Variants in CRACDL observed in about 807,000 individuals in gnomAD.
CRACDL encodes the protein CRACD-like protein.
CRACDL carries 26 observed loss-of-function variants against 70.6 expected under a neutral mutation model. The observed-to-expected ratio is 0.37, with a 90% CI of 0.27 to 0.51. The LOEUF is 0.51. Among genes scored for constraint, CRACDL ranks in the 20% least tolerant of loss-of-function variants. The pLI is 0.94. For synonymous variants in CRACDL, 618 were observed against 615.2 expected (o/e 1.00, Z -0.07); for missense variants, 1,283 against 1,376.9 (o/e 0.93, Z 1.08).
At chr2:98,923,835 C>T (rs1462803300) in intron 1 of CRACDL, among the ~76,000 whole-genome samples, 1 of 152,184 alleles carries the variant, frequency 6.6e-6, no homozygotes, top group Non-Finnish European at 1.5e-5. Context: ...GAACTTCATA[C>T]TCAGAAAAAC....
At chr2:98,900,764 C>T (rs191591927) in intron 1 of CRACDL, among the ~76,000 whole-genome samples, 6 of 152,260 alleles carry the variant, frequency 3.9e-5, no homozygotes, top group African/African-American at 1.4e-4. Context: ...TCCATCCTGA[C>T]TTGGCACCCT....
intron 7 of CRACDL, among the ~76,000 whole-genome samples, chr2:98,800,291 G>A (rs966752827): frequency 6.6e-6 from 1 of 152,320 alleles, no homozygotes; most frequent in Non-Finnish European, 1.5e-5. Flanking sequence ...TGGGAGTAGG[G>A]GTGCCTTCTG....
rs545671481 is a variant in CRACDL, at chr2:98,877,543, T to G, written c.-10-30733A>C. Among the ~76,000 whole-genome samples the G allele has an allele frequency of 1.1e-4, 17 of 152,216 alleles. No homozygotes were observed. The East Asian group carries it at 2.9e-3, about 26-fold the overall frequency. On this transcript the variant is annotated intron_variant, in intron 1 of 9. Coordinates refer to ENST00000397899, the MANE Select transcript of CRACDL (RefSeq NM_207362.3). ...GGCGGATTACCTGAGGTCAGGAGTTTGAGACCAGCCTGACCAATATGGTGA... is the reference window on the plus strand; with the variant it reads ...GGCGGATTACCTGAGGTCAGGAGTTGGAGACCAGCCTGACCAATATGGTGA...
chr2:98,847,237 A>G (rs1706300168), intron 1 of CRACDL, among the ~76,000 whole-genome samples: 12 of 152,204 alleles, frequency 7.9e-5, no homozygotes, highest in Admixed American at 7.9e-4. Flanking sequence ...ATAATTTTTT[A>G]CGCAAATATT....
At chr2:98,866,472 C>CTTTTTTTTTTTTTTTTTTTT (rs869154325) in intron 1 of CRACDL, among the ~76,000 whole-genome samples, 2 of 107,812 alleles carry the variant, frequency 1.9e-5, no homozygotes, top group African/African-American at 3.5e-5. Flanking sequence ...ACAATCACTT[C>CTTTTTTTTTTTTTTTTTTTT]TTCTTTTTTT....
chr2:98,883,295 A>C (rs960713470), intron 1 of CRACDL, among the ~76,000 whole-genome samples: 1 of 152,346 alleles, frequency 6.6e-6, no homozygotes, highest in African/African-American at 2.4e-5. Flanking sequence ...TGACTGGCAC[A>C]GAGCTGGGAG....
At chr2:98,878,108 A>G (rs1707536662) in intron 1 of CRACDL, among the ~76,000 whole-genome samples, 1 of 151,980 alleles carries the variant, frequency 6.6e-6, no homozygotes, top group African/African-American at 2.4e-5. Flanking sequence ...CACCATACCC[A>G]GCTAATATTT....
intron 1 of CRACDL, among the ~76,000 whole-genome samples, chr2:98,923,270 CAAA>C (rs1188228876): frequency 1.3e-4 from 10 of 75,506 alleles, no homozygotes; most frequent in Non-Finnish European, 8.6e-5. Flanking sequence ...GACACTGTCT[CAAA>C]AAAAAAAAAA....
chr2:98,813,132 T>C (rs1056971788), intron 7 of CRACDL, among the ~76,000 whole-genome samples: 8 of 152,148 alleles, frequency 5.3e-5, no homozygotes, highest in Non-Finnish European at 1.2e-4. Flanking sequence ...AATATTTTGT[T>C]AAGAATTTTG....
At chr2:98,849,918 T>C (rs1002369394) in intron 1 of CRACDL, among the ~76,000 whole-genome samples, 3 of 152,164 alleles carry the variant, frequency 2.0e-5, no homozygotes, top group East Asian at 1.9e-4. Context: ...AGTATCCTCA[T>C]AGGCAAAAGG....
intron 1 of CRACDL, among the ~76,000 whole-genome samples, chr2:98,861,087 C>T (rs1311218670): frequency 6.6e-6 from 1 of 152,200 alleles, no homozygotes; most frequent in African/African-American, 2.4e-5. Flanking sequence ...TGGCTCATGC[C>T]TGTAATCCCA....
In CRACDL at chr2:98,823,756, A is replaced by G. The variant is rs1338861219; in HGVS notation, c.736-219T>C. 6.6e-6 allele frequency among the ~76,000 whole-genome samples: 1 copy of G among 152,202 alleles called. No individual in the cohort carries two copies. Among genetic ancestry groups the G allele is most frequent in the Non-Finnish European group, 1.5e-5 (1 of 68,038 alleles). ...CAGGACAATGGCAGATATGCCTCCA[A>G]AGTAAATGTCTACAGCTCCTCTGGC... On this transcript the variant is annotated intron_variant, in intron 6 of 9. Transcript: ENST00000397899. The surrounding 1 kb of genome is among the most constrained non-coding windows in gnomAD (Gnocchi z 4.0).
chr2:98,838,881 G>A (rs945931407), intron 2 of CRACDL, among the ~76,000 whole-genome samples: 1 of 152,164 alleles, frequency 6.6e-6, no homozygotes, highest in Admixed American at 6.5e-5. Context: ...ACTCTGCCAT[G>A]CTTCCTGGAT....
intron 1 of CRACDL, among the ~76,000 whole-genome samples, chr2:98,879,911 TG>T (rs1484015745): frequency 6.6e-6 from 1 of 152,206 alleles, no homozygotes; most frequent in African/African-American, 2.4e-5. Context: ...AATATTTCCA[TG>T]GGGGTGGACA....
chr2:98,797,244 C>T, intron 8 of CRACDL, 106 bp downstream of exon 8: 2 of 1,036,732 alleles, frequency 1.9e-6, no homozygotes, highest in Non-Finnish European at 2.9e-6. Flanking sequence ...GGTGACGGTC[C>T]CTGTGACGCC....
At position 98,794,449 on chromosome 2, in the gene CRACDL, G is replaced by T; in HGVS notation, c.*83C>A. ...ATAAAATCAATCTTTAAGTTTCACA[G>T]TTTGTTTGCCACAATACACTGGCAG... On this transcript the variant is annotated 3_prime_UTR_variant, in exon 10 of 10. Coordinates refer to ENST00000397899, the MANE Select transcript of CRACDL (RefSeq NM_207362.3). 8.2e-7 allele frequency: 1 copy of T among 1,224,540 alleles called. No homozygotes were observed. The highest frequency in any genetic ancestry group is 1.2e-6 in the Non-Finnish European group (1 of 855,082). 75.9% of individuals were successfully genotyped at this position (1,224,540 alleles called of 1,614,324 possible).
chr2:98,884,733 G>T (rs1707757788), intron 1 of CRACDL, among the ~76,000 whole-genome samples: 1 of 152,222 alleles, frequency 6.6e-6, no homozygotes, highest in Non-Finnish European at 1.5e-5. Context: ...AGAACACAGA[G>T]AGAAGACAGC....
At chr2:98,802,743 T>C (rs1192373525) in intron 7 of CRACDL, among the ~76,000 whole-genome samples, 1 of 152,200 alleles carries the variant, frequency 6.6e-6, no homozygotes, top group Non-Finnish European at 1.5e-5. Flanking sequence ...CGTATGACAC[T>C]AGGGATGCAG....
intron 7 of CRACDL, among the ~76,000 whole-genome samples, chr2:98,819,968 C>T (rs1341111866): frequency 1.3e-5 from 2 of 151,362 alleles, no homozygotes; most frequent in Admixed American, 6.6e-5. Context: ...TAGAGGTGCG[C>T]GCCACCATGC....
Sources: allele counts gnomAD v4.1 joint callset (sites outside exome capture counted in the v4.1 genomes callset), GRCh38; gene constraint gnomAD v4.1.1; non-coding constraint Gnocchi (gnomAD v3.1); transcripts MANE v1.5; gene names NCBI Gene and HGNC (gene_info 2026-07-23, HGNC 2026-07-21).